Variants in PARD3B observed in about 807,000 individuals in gnomAD.
The protein encoded by PARD3B is partitioning defective 3 homolog B.
Under a neutral mutation model 130.2 loss-of-function variants are expected in PARD3B, and 103 were observed. The ratio of observed to expected loss-of-function variants is 0.79; its 90% CI spans 0.67 to 0.93. The LOEUF is 0.93. PARD3B is among the 40% of genes least tolerant of loss of function. The pLI is 0.00. For missense variants in PARD3B, 1,609 were observed against 1,499.2 expected, an observed-to-expected ratio of 1.07 and a Z score of -1.21; for synonymous variants, 583 against 553.2, an observed-to-expected ratio of 1.05 and a Z score of -0.76.
At chr2:205,369,492 G>A (rs779775507) in intron 18 of PARD3B, among the ~76,000 whole-genome samples, 16 of 152,112 alleles carry the variant, frequency 1.1e-4, no homozygotes, top group South Asian at 2.1e-4. Flanking sequence ...AACAGCCTAC[G>A]GGCGCCTTCG....
intron 19 of PARD3B, among the ~76,000 whole-genome samples, chr2:205,412,990 C>T (rs2046652543): frequency 1.3e-5 from 2 of 152,080 alleles, no homozygotes; most frequent in Admixed American, 6.6e-5. Flanking sequence ...CAGAATAGTG[C>T]CAGGCACAGA....
chr2:205,353,886 C>T (rs1445488412), intron 18 of PARD3B, among the ~76,000 whole-genome samples: 1 of 152,066 alleles, frequency 6.6e-6, no homozygotes, highest in Non-Finnish European at 1.5e-5. Context: ...TATCTGACCT[C>T]CCTGTGGTGT....
chr2:205,231,151 G>T (rs1312436698), intron 15 of PARD3B, among the ~76,000 whole-genome samples: 1 of 151,956 alleles, frequency 6.6e-6, no homozygotes, highest in Non-Finnish European at 1.5e-5. Flanking sequence ...GCTTTTTCAT[G>T]TGTCTAGTAG....
intron 22 of PARD3B, among the ~76,000 whole-genome samples, chr2:205,559,196 AGTACAGTG>A (rs1427079393): frequency 6.6e-6 from 1 of 152,190 alleles, no homozygotes; most frequent in East Asian, 1.9e-4. Context: ...CCCACGTTGG[AGTACAGTG>A]GTACAATCTC....
intron 2 of PARD3B, among the ~76,000 whole-genome samples, chr2:204,793,463 G>A (rs759913266): frequency 4.6e-5 from 7 of 152,094 alleles, no homozygotes; most frequent in Admixed American, 2.0e-4. Flanking sequence ...ATTCCCAGTC[G>A]AATCTGTTAT....
chr2:205,522,525 A>G (rs1016613407), intron 21 of PARD3B, among the ~76,000 whole-genome samples: 1 of 152,076 alleles, frequency 6.6e-6, no homozygotes, highest in African/African-American at 2.4e-5. Context: ...AATTAAAATC[A>G]AAATAATGAT....
chr2:205,319,293 C>A (rs1043927403), intron 18 of PARD3B, among the ~76,000 whole-genome samples: 2 of 152,174 alleles, frequency 1.3e-5, no homozygotes, highest in African/African-American at 4.8e-5. Flanking sequence ...TGCCTAGAAT[C>A]CTCAGTCCTG....
At chr2:205,199,006 A>G (rs957406376) in intron 15 of PARD3B, among the ~76,000 whole-genome samples, 1 of 152,142 alleles carries the variant, frequency 6.6e-6, no homozygotes, top group Non-Finnish European at 1.5e-5. Context: ...GTAAAGAAAA[A>G]TTAATGGTAA....
Position 205,233,732 on chromosome 2 carries a change from A to C in PARD3B, c.2141-12046A>C, listed in dbSNP as rs149153113. On this transcript the variant is annotated intron_variant, in intron 15 of 22. Transcript: ENST00000406610. ...AGCCTAGCCTGCCTTACATGTGCTCAGAAAACTTATATTACCCTACAGTTG... is the reference window on the plus strand; with the variant it reads ...AGCCTAGCCTGCCTTACATGTGCTCCGAAAACTTATATTACCCTACAGTTG... Among the ~76,000 whole-genome samples, 715 of 152,280 alleles carry C rather than the reference A, an allele frequency of 4.7e-3. 7 individuals carry two copies. The highest frequency in any genetic ancestry group is 0.017 in the African/African-American group (686 of 41,566).
chr2:205,048,329 T>C (rs2125414355), intron 4 of PARD3B: 1 of 152,304 alleles, frequency 6.6e-6, no homozygotes, highest in South Asian at 2.1e-4. Context: ...TATAACCAGA[T>C]ATACTTATAA....
intron 3 of PARD3B, among the ~76,000 whole-genome samples, chr2:204,969,995 T>G (rs1245155102): frequency 1.3e-5 from 2 of 151,916 alleles, no homozygotes; most frequent in African/African-American, 4.8e-5. Flanking sequence ...AGATGTGGGG[T>G]TTTTTTTAAT....
At chr2:204,742,310 T>A (rs990774162) in intron 2 of PARD3B, among the ~76,000 whole-genome samples, 8 of 152,178 alleles carry the variant, frequency 5.3e-5, no homozygotes, top group African/African-American at 1.9e-4. Context: ...AAATGGGGAA[T>A]GCACTGTCTC....
chr2:205,049,795 A>C (rs1699061902), intron 4 of PARD3B, among the ~76,000 whole-genome samples: 1 of 152,318 alleles, frequency 6.6e-6, no homozygotes, highest in South Asian at 2.1e-4. Context: ...TGCCTTACTT[A>C]TGCAAGTGAT....
intron 2 of PARD3B, among the ~76,000 whole-genome samples, chr2:204,859,862 C>G (rs993408374): frequency 6.6e-6 from 1 of 152,144 alleles, no homozygotes; most frequent in Non-Finnish European, 1.5e-5. Flanking sequence ...TAATGGAACT[C>G]TTTAGGCTTA....
chr2:205,250,544 C>T (rs2039797861), intron 16 of PARD3B, among the ~76,000 whole-genome samples: 2 of 152,150 alleles, frequency 1.3e-5, no homozygotes, highest in Non-Finnish European at 2.9e-5. Context: ...TACTCATTAA[C>T]AATCTAGGGA....
intron 20 of PARD3B, among the ~76,000 whole-genome samples, chr2:205,497,120 T>G (rs576293398): frequency 6.6e-6 from 1 of 152,012 alleles, no homozygotes; most frequent in Admixed American, 6.5e-5. Flanking sequence ...TTACTATCTT[T>G]TTCAAGTGCT....
intron 3 of PARD3B, among the ~76,000 whole-genome samples, chr2:204,972,246 T>C (rs1475484226): frequency 1.3e-5 from 2 of 152,170 alleles, no homozygotes; most frequent in African/African-American, 4.8e-5. Context: ...TGAATATATA[T>C]AGGCCTCATA....
At chr2:205,304,462 C>T (rs1291998316) in intron 18 of PARD3B, among the ~76,000 whole-genome samples, 1 of 151,244 alleles carries the variant, frequency 6.6e-6, no homozygotes, top group African/African-American at 2.4e-5. Context: ...ATGGAGAAAC[C>T]CCTTCTCTAC....
At chr2:205,299,743 T>C (rs2041928256) in intron 16 of PARD3B, among the ~76,000 whole-genome samples, 1 of 152,050 alleles carries the variant, frequency 6.6e-6, no homozygotes. Flanking sequence ...AGAAAAGCAA[T>C]GATTCAAATT....
Sources: allele counts gnomAD v4.1 joint callset (sites outside exome capture counted in the v4.1 genomes callset), GRCh38; gene constraint gnomAD v4.1.1; transcripts MANE v1.5; gene names NCBI Gene and HGNC (gene_info 2026-07-23, HGNC 2026-07-21).